The following ARHGAP42 variants were observed in gnomAD, a reference collection of about 807,000 sequenced individuals.
ARHGAP42 encodes rho GTPase-activating protein 42.
In ARHGAP42, 63 loss-of-function variants were observed where a neutral mutation model predicts 125.0. That is an observed-to-expected ratio of 0.50 (90% CI 0.41 to 0.62). ARHGAP42 has a LOEUF of 0.62. Among genes scored for constraint, ARHGAP42 ranks in the 20% least tolerant of loss-of-function variants. The pLI is 0.00. For synonymous variants in ARHGAP42, 339 were observed against 351.0 expected (o/e 0.97, Z 0.38); for missense variants, 766 against 1,024.2 (o/e 0.75, Z 3.44).
intron 3 of ARHGAP42, among the ~76,000 whole-genome samples, chr11:100,819,786 T>C (rs7933429): frequency 0.19 from 29,639 of 152,130 alleles, 3,503 homozygotes; most frequent in African/African-American, 0.33. Context: ...TTTCCAAATC[T>C]GTATCCAAAT....
intron 3 of ARHGAP42, among the ~76,000 whole-genome samples, chr11:100,835,640 G>A (rs1207456604): frequency 6.6e-6 from 1 of 152,000 alleles, no homozygotes; most frequent in South Asian, 2.1e-4. Context: ...ATCTTAAGAG[G>A]CAATATTCCA....
At chr11:100,979,150 G>A (rs1858467460) in intron 22 of ARHGAP42, 101 bp downstream of exon 22, 1 of 1,168,174 alleles carries the variant, frequency 8.6e-7, no homozygotes, top group African/African-American at 1.5e-5. Context: ...TCTCCATTAT[G>A]CAGATGGTCA....
At chr11:100,894,519 A>T (rs1866295142) in intron 4 of ARHGAP42, among the ~76,000 whole-genome samples, 1 of 152,196 alleles carries the variant, frequency 6.6e-6, no homozygotes, top group Non-Finnish European at 1.5e-5. Flanking sequence ...GAAAATTGAG[A>T]TTCATTAAGT....
chr11:100,741,856 T>C (rs1862193440), intron 1 of ARHGAP42, among the ~76,000 whole-genome samples: 1 of 152,194 alleles, frequency 6.6e-6, no homozygotes, highest in Admixed American at 6.5e-5. Flanking sequence ...GTACTTTGCA[T>C]TGTACTAGGG....
rs75840232 is a variant in ARHGAP42, at chr11:100,935,523, A to G, written c.703-680A>G. 3.9e-3 allele frequency among the ~76,000 whole-genome samples: 587 copies of G among 152,300 alleles called. 3 individuals carry two copies. Among genetic ancestry groups the G allele is most frequent in the African/African-American group, 0.014 (568 of 41,578 alleles). ...TTGTTTTTTTCCCTCAAAAGAAACT[A>G]AGTCCCTATGTATCTGTTTTTTACC... is the stretch of plus-strand genomic sequence containing the variant. On this transcript the variant is annotated intron_variant, in intron 7 of 23. Transcript: ENST00000298815.
At chr11:100,697,794 G>T (rs1861312796) in intron 1 of ARHGAP42, among the ~76,000 whole-genome samples, 1 of 152,128 alleles carries the variant, frequency 6.6e-6, no homozygotes, top group Non-Finnish European at 1.5e-5. Flanking sequence ...GCTGTTGTGA[G>T]AATTTTCTCT....
chr11:100,956,113 A>G (rs747502466), intron 12 of ARHGAP42, among the ~76,000 whole-genome samples: 9 of 152,260 alleles, frequency 5.9e-5, no homozygotes, highest in Non-Finnish European at 1.3e-4. Flanking sequence ...GCAACCATCA[A>G]CAGGCACTGC....
At chr11:100,982,525 C>T (rs1858571157) in intron 22 of ARHGAP42, among the ~76,000 whole-genome samples, 1 of 152,204 alleles carries the variant, frequency 6.6e-6, no homozygotes, top group Non-Finnish European at 1.5e-5. Flanking sequence ...TTTTCCTTAA[C>T]CTATAAAATC....
chr11:100,879,170 C>T (rs1393238023), intron 4 of ARHGAP42, among the ~76,000 whole-genome samples: 1 of 152,082 alleles, frequency 6.6e-6, no homozygotes, highest in African/African-American at 2.4e-5. Context: ...AAATCAGTAT[C>T]TGCATTTTAA....
chr11:100,748,331 C>T (rs945868839), intron 1 of ARHGAP42, among the ~76,000 whole-genome samples: 29 of 152,260 alleles, frequency 1.9e-4, no homozygotes, highest in African/African-American at 6.7e-4. Flanking sequence ...ACTAGAGTTT[C>T]CATATCACTC....
intron 1 of ARHGAP42, among the ~76,000 whole-genome samples, chr11:100,717,178 A>G (rs1158730348): frequency 6.6e-6 from 1 of 152,184 alleles, no homozygotes; most frequent in Admixed American, 6.5e-5. Context: ...TTTACTCTGC[A>G]TGAACTGGCC....
chr11:100,704,785 C>T (rs761449249), intron 1 of ARHGAP42, among the ~76,000 whole-genome samples: 13 of 150,348 alleles, frequency 8.6e-5, no homozygotes, highest in Non-Finnish European at 1.8e-4. Flanking sequence ...GCAAGAATCC[C>T]CGCCCCCGCC....
At chr11:100,855,143 T>C (rs1035118894) in intron 3 of ARHGAP42, among the ~76,000 whole-genome samples, 1 of 152,164 alleles carries the variant, frequency 6.6e-6, no homozygotes, top group Non-Finnish European at 1.5e-5. Context: ...CTTTAAATAG[T>C]ACTTTAGAAT....
chr11:100,974,338 A>G (rs1245216149), intron 18 of ARHGAP42, 121 bp from the exon 19 acceptor site: 4 of 883,842 alleles, frequency 4.5e-6, no homozygotes, highest in Non-Finnish European at 6.4e-6. Flanking sequence ...AAAAGTTACA[A>G]TTGCTCTAGG....
chr11:100,776,981 C>CA (rs71053146), intron 2 of ARHGAP42, among the ~76,000 whole-genome samples: 1,432 of 108,712 alleles, frequency 0.013, 15 homozygotes, highest in East Asian at 0.059. Flanking sequence ...AACACTGTCT[C>CA]AAAAAAAAAA....
At chr11:100,848,709 A>G (rs1384501712) in intron 3 of ARHGAP42, among the ~76,000 whole-genome samples, 1 of 151,944 alleles carries the variant, frequency 6.6e-6, no homozygotes, top group African/African-American at 2.4e-5. Flanking sequence ...TTTTACCATG[A>G]TGGCCAGGCT....
At chr11:100,742,088 C>T (rs1471466025) in intron 1 of ARHGAP42, among the ~76,000 whole-genome samples, 2 of 152,220 alleles carry the variant, frequency 1.3e-5, no homozygotes, top group Non-Finnish European at 2.9e-5. Flanking sequence ...TGTTTCAAAA[C>T]ATCTCCTTCT....
In ARHGAP42 at chr11:100,783,949, A is replaced by C. The variant is rs941120763; in HGVS notation, c.251-11156A>C. Among the ~76,000 whole-genome samples the C allele has an allele frequency of 1.1e-4, 16 of 152,180 alleles. No individual in the cohort carries two copies. The South Asian group carries it at 1.9e-3, about 18-fold the overall frequency. On this transcript the variant is annotated intron_variant, in intron 2 of 23. Transcript: ENST00000298815. ...AAAATAGAAGGGGGGTCAAAAAATA[A>C]CTTATGATCTAATCAGTATAATGCT...
At chr11:100,861,029 G>A (rs1274583873) in intron 4 of ARHGAP42, among the ~76,000 whole-genome samples, 1 of 152,150 alleles carries the variant, frequency 6.6e-6, no homozygotes, top group African/African-American at 2.4e-5. Flanking sequence ...AGACATAGAA[G>A]TAATTACAAG....
Sources: gnomAD v4.1 joint callset for allele counts (sites outside exome capture counted in the v4.1 genomes callset) on GRCh38, gnomAD v4.1.1 for gene constraint, MANE v1.5 for transcripts, NCBI Gene and HGNC (gene_info 2026-07-23, HGNC 2026-07-21) for gene names.